C9: variants seen among roughly 807,000 people sequenced by gnomAD.
C9 encodes complement C9, also known as complement component C9.
In C9, 63 loss-of-function variants were observed where a neutral mutation model predicts 65.4. That is an observed-to-expected ratio of 0.96 (90% confidence interval 0.79 to 1.19). The LOEUF is 1.19. Ranked by LOEUF, C9 falls within the 50% of genes most tolerant of loss-of-function variation. C9 has a pLI of 0.00. For missense variants in C9, 744 were observed against 670.1 expected (o/e 1.11, Z -1.22); for synonymous variants, 229 against 227.9 (o/e 1.00, Z -0.04).
intron 4 of C9, among the ~76,000 whole-genome samples, chr5:39,337,230 T>C (rs548155613): frequency 6.6e-6 from 1 of 152,342 alleles, no homozygotes; most frequent in South Asian, 2.1e-4. Flanking sequence ...TTAAGACTTA[T>C]TTGTCTGCCC....
At chr5:39,354,508 A>C (rs1483177958) in intron 1 of C9, among the ~76,000 whole-genome samples, 4 of 152,298 alleles carry the variant, frequency 2.6e-5, no homozygotes, top group Admixed American at 1.3e-4. Context: ...GAAATCCATG[A>C]TATCTGAAGG....
intron 4 of C9, among the ~76,000 whole-genome samples, chr5:39,334,381 G>A (rs1441230590): frequency 1.2e-4 from 17 of 146,310 alleles, no homozygotes; most frequent in East Asian, 4.2e-4. Context: ...CCTGGCAACC[G>A]CCCCGTCTGA....
At chr5:39,348,737 C>A (rs1024886758) in intron 1 of C9, among the ~76,000 whole-genome samples, 2 of 152,108 alleles carry the variant, frequency 1.3e-5, no homozygotes, top group Non-Finnish European at 2.9e-5. Context: ...TTTATTGTGG[C>A]ACTATTCACA....
At chr5:39,356,152 CT>C (rs2111983330) in intron 1 of C9, among the ~76,000 whole-genome samples, 1 of 152,318 alleles carries the variant, frequency 6.6e-6, no homozygotes, top group South Asian at 2.1e-4. Flanking sequence ...TTAACCTTTA[CT>C]CTACCTTTTC....
At chr5:39,342,915 A>G (rs895956959) in intron 1 of C9, among the ~76,000 whole-genome samples, 5 of 152,190 alleles carry the variant, frequency 3.3e-5, no homozygotes, top group South Asian at 2.1e-4. Flanking sequence ...TCTGGTTGAA[A>G]TATCACCCAG....
chr5:39,359,102 G>GTGTGTATATATATATATATACA (rs1407613505), intron 1 of C9, among the ~76,000 whole-genome samples: 1 of 103,664 alleles, frequency 9.6e-6, no homozygotes, highest in Admixed American at 1.1e-4. Flanking sequence ...GTGTGTGTGT[G>GTGTGTATATATATATATATACA]TATATATATA....
chr5:39,331,821 A>T lies in C9; in HGVS notation c.477-7T>A. On this transcript the variant is annotated splice_polypyrimidine_tract_variant and splice_region_variant and intron_variant, in intron 4 of 10. Transcript: ENST00000263408. ...CATCCCTAAAATGTTGATCCTGAGA[A>T]TGAACAGAGTAGTATCAGAAGTGGA... The T allele has an allele frequency of 6.2e-7, 1 of 1,612,840 alleles. No individual in the cohort carries two copies. The highest frequency in any genetic ancestry group is 8.5e-7 in the Non-Finnish European group (1 of 1,178,818).
At chr5:39,320,663 C>T (rs1382143453) in intron 5 of C9, among the ~76,000 whole-genome samples, 2 of 151,934 alleles carry the variant, frequency 1.3e-5, no homozygotes, top group Non-Finnish European at 2.9e-5. Context: ...AAAAGGAGCA[C>T]CCAGGTCCAT....
chr5:39,295,661 GA>G (rs958557393), intron 9 of C9, among the ~76,000 whole-genome samples: 15 of 149,698 alleles, frequency 1.0e-4, no homozygotes, highest in African/African-American at 2.9e-4. Flanking sequence ...CACAGAAATT[GA>G]AAAAAAAATC....
rs1307971116 is a variant in C9, at chr5:39,358,846, G to A, written c.77+5542C>T. On this transcript the variant is annotated intron_variant, in intron 1 of 10. Transcript: ENST00000263408. Reference sequence around the variant, plus strand: ...TAAAAATACAAAAAATTAGCCGGGCGTGGTGGCGGGCGCCTGTAGTCCCAG... The same window carrying A: ...TAAAAATACAAAAAATTAGCCGGGCATGGTGGCGGGCGCCTGTAGTCCCAG... Among the ~76,000 whole-genome samples the A allele has an allele frequency of 3.3e-5, 5 of 151,364 alleles. No individual in the cohort carries two copies. In the South Asian group the frequency reaches 6.3e-4, roughly 19 times the overall value.
intron 1 of C9, among the ~76,000 whole-genome samples, chr5:39,345,707 C>A (rs1443430381): frequency 6.6e-6 from 1 of 152,234 alleles, no homozygotes; most frequent in Non-Finnish European, 1.5e-5. Context: ...CACCCCAAAT[C>A]AACAGAATAT....
chr5:39,292,721 C>T (rs1052644684), intron 9 of C9, among the ~76,000 whole-genome samples: 4 of 149,872 alleles, frequency 2.7e-5, no homozygotes, highest in Admixed American at 1.3e-4. Context: ...ACTCATGATA[C>T]AATATGATAA....
chr5:39,315,407 A>T (rs1294886434), intron 6 of C9, among the ~76,000 whole-genome samples: 1 of 152,202 alleles, frequency 6.6e-6, no homozygotes, highest in East Asian at 1.9e-4. Context: ...TTTGTAGTTA[A>T]TAAACAGTGA....
chr5:39,346,804 A>C (rs1251329277), intron 1 of C9, among the ~76,000 whole-genome samples: 1 of 152,224 alleles, frequency 6.6e-6, no homozygotes, highest in African/African-American at 2.4e-5. Flanking sequence ...CCAGCAACAC[A>C]TCAAAAAGCT....
chr5:39,336,980 T>G (rs1753981289), intron 4 of C9, among the ~76,000 whole-genome samples: 1 of 151,420 alleles, frequency 6.6e-6, no homozygotes, highest in Non-Finnish European at 1.5e-5. Context: ...GAGTTGTGTC[T>G]TGTTTTTTTT....
intron 4 of C9, among the ~76,000 whole-genome samples, chr5:39,336,716 T>G (rs1434305482): frequency 6.6e-6 from 1 of 152,120 alleles, no homozygotes; most frequent in Non-Finnish European, 1.5e-5. Context: ...TAGTTGTAAG[T>G]GCTGAGAAGT....
chr5:39,322,017 A>G (rs1753674254), intron 5 of C9, among the ~76,000 whole-genome samples: 1 of 152,092 alleles, frequency 6.6e-6, no homozygotes, highest in Non-Finnish European at 1.5e-5. Context: ...ACAAATATAC[A>G]CAGAACATTC....
chr5:39,330,364 G>A (rs1401038324), intron 5 of C9, among the ~76,000 whole-genome samples: 1 of 152,060 alleles, frequency 6.6e-6, no homozygotes, highest in African/African-American at 2.4e-5. Flanking sequence ...CTTTCCAAAC[G>A]TGGCTTCAAG....
chr5:39,362,619 G>C (rs1754540450), intron 1 of C9, among the ~76,000 whole-genome samples: 1 of 152,144 alleles, frequency 6.6e-6, no homozygotes, highest in Admixed American at 6.5e-5. Context: ...TTACAGACGA[G>C]GGAAGCGAGG....
Sources: gnomAD v4.1 joint callset for allele counts (sites outside exome capture counted in the v4.1 genomes callset) on GRCh38, gnomAD v4.1.1 for gene constraint, MANE v1.5 for transcripts, NCBI Gene and HGNC (gene_info 2026-07-23, HGNC 2026-07-21) for gene names.